ITGA8: variants seen among roughly 807,000 people sequenced by gnomAD.
The protein encoded by ITGA8 is integrin subunit alpha 8.
ITGA8 carries 91 observed loss-of-function variants against 142.3 expected under a neutral mutation model. The ratio of observed to expected loss-of-function variants is 0.64; its 90% CI spans 0.54 to 0.76. The LOEUF is 0.76. ITGA8 is among the 30% of genes least tolerant of loss of function. ITGA8 has a pLI of 0.00. For synonymous variants in ITGA8, 505 were observed against 485.2 expected (o/e 1.04, Z -0.54); for missense variants, 1,406 against 1,327.7 (o/e 1.06, Z -0.92).
intron 2 of ITGA8, among the ~76,000 whole-genome samples, chr10:15,690,199 A>C (rs1325049894): frequency 2.0e-5 from 3 of 152,048 alleles, no homozygotes; most frequent in African/African-American, 7.2e-5. Flanking sequence ...TGAAGCCAAC[A>C]TTCGCACCCG....
intron 21 of ITGA8, among the ~76,000 whole-genome samples, chr10:15,595,539 T>C (rs187309616): frequency 6.6e-6 from 1 of 152,348 alleles, no homozygotes; most frequent in East Asian, 1.9e-4. Flanking sequence ...TGAATTGACA[T>C]ACTTTCACAT....
chr10:15,637,786 C>T (rs373554292), intron 13 of ITGA8, among the ~76,000 whole-genome samples: 2 of 144,032 alleles, frequency 1.4e-5, no homozygotes, highest in Non-Finnish European at 3.0e-5. Flanking sequence ...AGCTACCGTG[C>T]CCATCGGCTA....
chr10:15,718,228 C>T (rs1279197168), intron 2 of ITGA8, among the ~76,000 whole-genome samples: 1 of 152,180 alleles, frequency 6.6e-6, no homozygotes, highest in Non-Finnish European at 1.5e-5. Flanking sequence ...TGTAATCCAT[C>T]CACACTCTGC....
chr10:15,681,589 A>G (rs1834738689), intron 4 of ITGA8, among the ~76,000 whole-genome samples: 1 of 152,222 alleles, frequency 6.6e-6, no homozygotes, highest in South Asian at 2.1e-4. Context: ...CATGTGCTGT[A>G]TTTTGATCTG....
intron 28 of ITGA8, among the ~76,000 whole-genome samples, chr10:15,521,567 G>C (rs1833070938): frequency 6.6e-6 from 1 of 152,150 alleles, no homozygotes; most frequent in African/African-American, 2.4e-5. Flanking sequence ...TGTGATAGAT[G>C]TTCTTCATGA....
chr10:15,652,157 G>A (rs558623903), intron 11 of ITGA8, among the ~76,000 whole-genome samples: 2 of 152,172 alleles, frequency 1.3e-5, no homozygotes, highest in Non-Finnish European at 2.9e-5. Flanking sequence ...AAGCCAATGA[G>A]GTCCTTTTCT....
At position 15,576,094 on chromosome 10, in the gene ITGA8, A is replaced by G. The variant is rs191602746; in HGVS notation, c.2373-500T>C. On this transcript the variant is annotated intron_variant, in intron 23 of 29. Transcript: ENST00000378076. Reference sequence around the variant, plus strand: ...GTGTTAAATGTCCAGTTATGAAGAAATATAGTTTCTTGTTGAAGGCATCAG... The same window carrying G: ...GTGTTAAATGTCCAGTTATGAAGAAGTATAGTTTCTTGTTGAAGGCATCAG... Among the ~76,000 whole-genome samples the G allele has an allele frequency of 3.9e-5, 6 of 152,278 alleles. No individual in the cohort carries two copies. The East Asian group carries it at 1.2e-3, about 29-fold the overall frequency.
intron 13 of ITGA8, among the ~76,000 whole-genome samples, chr10:15,617,455 G>A (rs2011887): frequency 0.17 from 26,242 of 151,154 alleles, 2,694 homozygotes; most frequent in East Asian, 0.27. Flanking sequence ...CTGGAGTGCC[G>A]TGGTGCAATC....
At chr10:15,542,007 A>G (rs1229749116) in intron 27 of ITGA8, among the ~76,000 whole-genome samples, 1 of 152,128 alleles carries the variant, frequency 6.6e-6, no homozygotes, top group Non-Finnish European at 1.5e-5. Context: ...TGTTGTGTTT[A>G]TTCAAACCTG....
intron 8 of ITGA8, among the ~76,000 whole-genome samples, chr10:15,661,586 G>C (rs996633667): frequency 3.3e-5 from 5 of 152,074 alleles, no homozygotes; most frequent in Admixed American, 3.3e-4. Flanking sequence ...CATGAATCTG[G>C]CTTCTTGAGT....
intron 2 of ITGA8, among the ~76,000 whole-genome samples, chr10:15,694,322 T>TGATAATATATCATATCA (rs1835000084): frequency 2.5e-4 from 3 of 11,936 alleles, no homozygotes; most frequent in South Asian, 4.9e-3. Flanking sequence ...ATCATATATA[T>TGATAATATATCATATCA]GATAATATAT....
At chr10:15,565,362 T>G (rs1239193203) in intron 25 of ITGA8, among the ~76,000 whole-genome samples, 1 of 151,982 alleles carries the variant, frequency 6.6e-6, no homozygotes, top group Non-Finnish European at 1.5e-5. Context: ...AGTTCTTTTT[T>G]GTTTTGTTTT....
At chr10:15,670,273 A>T (rs760596084) in intron 8 of ITGA8, among the ~76,000 whole-genome samples, 4 of 152,212 alleles carry the variant, frequency 2.6e-5, no homozygotes, top group Non-Finnish European at 4.4e-5. Context: ...GTTGAGTGAA[A>T]GCTCCCATTT....
At chr10:15,719,247 G>C (rs373129642) in intron 1 of ITGA8, among the ~76,000 whole-genome samples, 4 of 152,226 alleles carry the variant, frequency 2.6e-5, no homozygotes, top group African/African-American at 9.6e-5. Context: ...AACAGACCTC[G>C]CTGTGGTGGC....
intron 24 of ITGA8, among the ~76,000 whole-genome samples, chr10:15,573,307 C>G (rs2131582059): frequency 6.6e-6 from 1 of 152,316 alleles, no homozygotes; most frequent in Middle Eastern, 3.4e-3. Flanking sequence ...AGATTTGAAG[C>G]AGGACTGCCC....
intron 2 of ITGA8, among the ~76,000 whole-genome samples, chr10:15,699,387 A>G (rs991410981): frequency 6.6e-6 from 1 of 152,340 alleles, no homozygotes; most frequent in Non-Finnish European, 1.5e-5. Context: ...AGAAATATTC[A>G]TGAATAGATA....
Position 15,597,949 on chromosome 10 carries a change from G to A in ITGA8, c.2119-650C>T, listed in dbSNP as rs1357977440. Reference sequence around the variant, plus strand: ...GCTATATACTGGACAAATTCTCAAGGTTGAACAGATGAGAGGGGAAATACA... The same window carrying A: ...GCTATATACTGGACAAATTCTCAAGATTGAACAGATGAGAGGGGAAATACA... On this transcript the variant is annotated intron_variant, in intron 20 of 29. Coordinates refer to ENST00000378076, the MANE Select transcript of ITGA8 (RefSeq NM_003638.3). Among the ~76,000 whole-genome samples the A allele has an allele frequency of 4.6e-5, 7 of 152,228 alleles. No homozygotes were observed. In the East Asian group the frequency reaches 1.4e-3, roughly 29 times the overall value.
chr10:15,567,765 T>C (rs1245884544), intron 25 of ITGA8, among the ~76,000 whole-genome samples: 1 of 152,136 alleles, frequency 6.6e-6, no homozygotes. Flanking sequence ...AAACACCAGT[T>C]GTGCAGCTCA....
chr10:15,568,350 G>T (rs1395133010), intron 25 of ITGA8, among the ~76,000 whole-genome samples: 1 of 152,198 alleles, frequency 6.6e-6, no homozygotes, highest in Non-Finnish European at 1.5e-5. Flanking sequence ...TTGTGGATGA[G>T]AACTTTTCAC....
Sources: gnomAD v4.1 joint callset for allele counts (sites outside exome capture counted in the v4.1 genomes callset) on GRCh38, gnomAD v4.1.1 for gene constraint, MANE v1.5 for transcripts, NCBI Gene and HGNC (gene_info 2026-07-23, HGNC 2026-07-21) for gene names.